The following PAK1 variants were observed in gnomAD, a reference collection of about 807,000 sequenced individuals.
PAK1 encodes the protein serine/threonine-protein kinase PAK 1.
PAK1 carries 29 observed loss-of-function variants against 67.4 expected under a neutral mutation model. The ratio of observed to expected loss-of-function variants is 0.43; its 90% CI spans 0.32 to 0.59. The LOEUF is 0.59. Ranked by LOEUF, PAK1 falls within the 20% of genes least tolerant of loss-of-function variation. PAK1 has a pLI of 0.07. For missense variants in PAK1, 337 were observed against 670.7 expected, an observed-to-expected ratio of 0.50 and a Z score of 5.50; for synonymous variants, 223 against 237.4, an observed-to-expected ratio of 0.94 and a Z score of 0.56.
chr11:77,465,382 T>C (rs1390574407), intron 1 of PAK1, among the ~76,000 whole-genome samples: 1 of 152,052 alleles, frequency 6.6e-6, no homozygotes, highest in Non-Finnish European at 1.5e-5. Context: ...TTAAGTTAAA[T>C]GAGACTCTAT....
At chr11:77,347,080 C>T in intron 9 of PAK1, 1 of 456,264 alleles carries the variant, frequency 2.2e-6, no homozygotes, top group South Asian at 1.5e-5. Context: ...TTTATTCTCC[C>T]TGGGGCAGGA....
chr11:77,431,250 C>G (rs1305630907), intron 1 of PAK1, among the ~76,000 whole-genome samples: 1 of 152,144 alleles, frequency 6.6e-6, no homozygotes, highest in Non-Finnish European at 1.5e-5. Context: ...ATTTGCATTT[C>G]TGCTACATTA....
the PAK1 span, among the ~76,000 whole-genome samples, chr11:77,515,395 A>G: frequency 3.9e-5 from 6 of 152,198 alleles, no homozygotes; most frequent in Non-Finnish European, 8.8e-5. Flanking sequence ...GGTGTATCTT[A>G]GCTGATATGT....
At chr11:77,513,964 A>C in the PAK1 span, among the ~76,000 whole-genome samples, 1 of 152,138 alleles carries the variant, frequency 6.6e-6, no homozygotes, top group Non-Finnish European at 1.5e-5. Context: ...TCCTTATTCC[A>C]TTTATATGAA....
chr11:77,324,396 C>T (rs975047347), intron 14 of PAK1, among the ~76,000 whole-genome samples: 4 of 152,236 alleles, frequency 2.6e-5, no homozygotes, highest in Non-Finnish European at 5.9e-5. Context: ...TAGTCTCAAA[C>T]TCCTGACCTC....
chr11:77,380,931 C>G (rs1949724397), intron 2 of PAK1, among the ~76,000 whole-genome samples: 1 of 152,146 alleles, frequency 6.6e-6, no homozygotes, highest in African/African-American at 2.4e-5. Flanking sequence ...CAGCTCTGGC[C>G]TGACTTTCAC....
At chr11:77,421,718 A>G (rs61901812) in intron 1 of PAK1, among the ~76,000 whole-genome samples, 1 of 152,258 alleles carries the variant, frequency 6.6e-6, no homozygotes, top group Non-Finnish European at 1.5e-5. Context: ...GCAGTCTTAG[A>G]GTGGCCTAAA....
At chr11:77,405,518 A>G (rs1219786122) in intron 1 of PAK1, among the ~76,000 whole-genome samples, 1 of 152,060 alleles carries the variant, frequency 6.6e-6, no homozygotes, top group Admixed American at 6.5e-5. Context: ...TTTTGAAGGT[A>G]GAGTCAAATG....
At chr11:77,464,297 T>A (rs1957493032) in intron 1 of PAK1, among the ~76,000 whole-genome samples, 1 of 152,226 alleles carries the variant, frequency 6.6e-6, no homozygotes, top group South Asian at 2.1e-4. Context: ...AATCTATTTA[T>A]CATGCACATC....
At chr11:77,504,876 A>T in the PAK1 span, among the ~76,000 whole-genome samples, 23 of 152,336 alleles carry the variant, frequency 1.5e-4, no homozygotes, top group East Asian at 3.9e-3. Context: ...TTCTACAGAC[A>T]TTACTTCATT....
chr11:77,363,774 A>C (rs1372334813), intron 5 of PAK1, among the ~76,000 whole-genome samples: 1 of 152,250 alleles, frequency 6.6e-6, no homozygotes, highest in Non-Finnish European at 1.5e-5. Flanking sequence ...AAAATTGACA[A>C]AAACCATTTC....
the PAK1 span, among the ~76,000 whole-genome samples, chr11:77,524,468 T>C: frequency 6.6e-6 from 1 of 152,224 alleles, no homozygotes; most frequent in Non-Finnish European, 1.5e-5. Flanking sequence ...GGACCGCCTT[T>C]CTCCCTCACC....
intron 1 of PAK1, among the ~76,000 whole-genome samples, chr11:77,454,474 T>G (rs1956996143): frequency 6.6e-6 from 1 of 152,204 alleles, no homozygotes; most frequent in Non-Finnish European, 1.5e-5. Context: ...TGCTGTTGGC[T>G]GCCTACCCAG....
chr11:77,400,901 C>A (rs1353006174), intron 1 of PAK1, among the ~76,000 whole-genome samples: 1 of 152,120 alleles, frequency 6.6e-6, no homozygotes, highest in Non-Finnish European at 1.5e-5. Flanking sequence ...GAAGAAGAAG[C>A]AAAGCTTCAA....
intron 1 of PAK1, among the ~76,000 whole-genome samples, chr11:77,457,465 G>A (rs1957131319): frequency 6.6e-6 from 1 of 152,110 alleles, no homozygotes; most frequent in South Asian, 2.1e-4. Flanking sequence ...TCACTGGCTG[G>A]GACCGTGTGC....
intron 11 of PAK1, among the ~76,000 whole-genome samples, chr11:77,339,589 CA>C (rs1052084881): frequency 1.3e-5 from 2 of 151,926 alleles, no homozygotes. Context: ...AAGTTGTTTG[CA>C]AAGGGGACCA....
intron 2 of PAK1, among the ~76,000 whole-genome samples, chr11:77,380,434 A>G (rs2137108129): frequency 6.6e-6 from 1 of 152,334 alleles, no homozygotes; most frequent in East Asian, 1.9e-4. Context: ...TAGAGGTTGC[A>G]GTGAGCTGAG....
At chr11:77,345,306 T>C (rs1031388097) in intron 9 of PAK1, among the ~76,000 whole-genome samples, 3 of 147,802 alleles carry the variant, frequency 2.0e-5, no homozygotes, top group African/African-American at 5.1e-5. Context: ...GAGAAATCAG[T>C]AGGTTGGAAA....
chr11:77,324,569 G>C (rs762636900), intron 14 of PAK1, among the ~76,000 whole-genome samples: 1 of 152,052 alleles, frequency 6.6e-6, no homozygotes, highest in African/African-American at 2.4e-5. Context: ...TCTTAAAGCT[G>C]TAGGATGTTC....
Sources: allele counts gnomAD v4.1 joint callset (sites outside exome capture counted in the v4.1 genomes callset), GRCh38; gene constraint gnomAD v4.1.1; transcripts MANE v1.5; gene names NCBI Gene and HGNC (gene_info 2026-07-23, HGNC 2026-07-21).